Variants in PALS1 observed in about 807,000 individuals in gnomAD.
PALS1 encodes protein PALS1.
Under a neutral mutation model 78.9 loss-of-function variants are expected in PALS1, and 31 were observed. The observed-to-expected ratio is 0.39, with a 90% CI of 0.30 to 0.53. The LOEUF (loss-of-function observed/expected upper bound fraction) is 0.53, where lower values mean the gene tolerates loss of function less well. Ranked by LOEUF, PALS1 falls within the 20% of genes least tolerant of loss-of-function variation. PALS1 has a pLI of 0.67. For synonymous variants in PALS1, 276 were observed against 270.9 expected (o/e 1.02, Z -0.18); for missense variants, 704 against 826.5 (o/e 0.85, Z 1.82).
chr14:67,303,631 T>G, intron 8 of PALS1, 32 bp downstream of exon 8: 1 of 1,465,980 alleles, frequency 6.8e-7, no homozygotes, highest in East Asian at 2.3e-5. Flanking sequence ...ATTATTTATG[T>G]GTTTGTGGAT....
chr14:67,265,084 C>G (rs1003451742), intron 1 of PALS1, among the ~76,000 whole-genome samples: 2 of 151,966 alleles, frequency 1.3e-5, no homozygotes, highest in African/African-American at 4.8e-5. Flanking sequence ...CAAATTTTGT[C>G]TGGTATAGTA....
At chr14:67,250,677 C>T (rs959170365) in intron 1 of PALS1, among the ~76,000 whole-genome samples, 4 of 152,134 alleles carry the variant, frequency 2.6e-5, no homozygotes, top group Non-Finnish European at 4.4e-5. Context: ...GGTGATTCAT[C>T]GACTGTATAA....
intron 8 of PALS1, among the ~76,000 whole-genome samples, chr14:67,310,405 A>G (rs1360191242): frequency 1.3e-5 from 2 of 152,180 alleles, no homozygotes; most frequent in Non-Finnish European, 2.9e-5. Flanking sequence ...TATACAGGGG[A>G]AAATAATCAG....
At chr14:67,267,698 A>C (rs2084350332) in intron 1 of PALS1, among the ~76,000 whole-genome samples, 2 of 152,206 alleles carry the variant, frequency 1.3e-5, no homozygotes, top group Admixed American at 6.5e-5. Context: ...ACTGAAATCT[A>C]ATATTAGGAC....
intron 1 of PALS1, among the ~76,000 whole-genome samples, chr14:67,261,835 G>C (rs2084243370): frequency 6.6e-6 from 1 of 152,020 alleles, no homozygotes. Context: ...TAAACTTGTA[G>C]TCTGTTAGCA....
rs141584063 is a variant in PALS1, at chr14:67,314,904, C to G, written c.1226-1928C>G. Reference sequence around the variant, plus strand: ...CCAGGAGTTTGAGACTAGCCTGGGCCACATAGTGGCATAGCTGACATAATG... The same window carrying G: ...CCAGGAGTTTGAGACTAGCCTGGGCGACATAGTGGCATAGCTGACATAATG... On this transcript the variant is annotated intron_variant, in intron 9 of 14. Coordinates refer to ENST00000261681, the MANE Select transcript of PALS1 (RefSeq NM_022474.4). Among the ~76,000 whole-genome samples, 863 of 151,822 alleles carry G rather than the reference C, an allele frequency of 5.7e-3. 9 individuals are homozygous for G. Among genetic ancestry groups the G allele is most frequent in the African/African-American group, 0.02 (844 of 41,390 alleles).
At chr14:67,302,237 G>T in intron 6 of PALS1, 119 bp downstream of exon 6, 1 of 1,224,748 alleles carries the variant, frequency 8.2e-7, no homozygotes, top group East Asian at 2.7e-5. Flanking sequence ...AAAGTGTGGG[G>T]GAAATGGTCA....
chr14:67,247,859 A>C (rs1295525772), intron 1 of PALS1, among the ~76,000 whole-genome samples: 2 of 152,156 alleles, frequency 1.3e-5, no homozygotes, highest in Non-Finnish European at 2.9e-5. Flanking sequence ...GATTACAGGC[A>C]TGAGTCACAG....
intron 3 of PALS1, among the ~76,000 whole-genome samples, chr14:67,285,109 T>C (rs945984039): frequency 2.0e-5 from 3 of 152,136 alleles, no homozygotes; most frequent in Non-Finnish European, 4.4e-5. Flanking sequence ...TAATATTAAG[T>C]TCCCCATCTG....
chr14:67,330,480 T>C (rs12587679), intron 14 of PALS1, among the ~76,000 whole-genome samples: 21,949 of 145,188 alleles, frequency 0.15, 3,222 homozygotes, highest in East Asian at 0.42. Context: ...TTTTTTGAGA[T>C]GGGGTTTCGC....
chr14:67,327,646 C>A (rs1052663982), intron 14 of PALS1, among the ~76,000 whole-genome samples: 4 of 152,054 alleles, frequency 2.6e-5, no homozygotes, highest in African/African-American at 4.8e-5. Context: ...CCTCTCCCCC[C>A]ACCCCACAAC....
chr14:67,243,864 T>G (rs1258587596), intron 1 of PALS1, among the ~76,000 whole-genome samples: 1 of 152,212 alleles, frequency 6.6e-6, no homozygotes, highest in East Asian at 1.9e-4. Flanking sequence ...TTAGTGGTTA[T>G]ATAGTCTAAC....
At chr14:67,257,594 TAACTA>T in intron 1 of PALS1, among the ~76,000 whole-genome samples, 1 of 151,058 alleles carries the variant, frequency 6.6e-6, no homozygotes, top group Non-Finnish European at 1.5e-5. Flanking sequence ...GCTCAACAGA[TAACTA>T]AAAAAAAAAG....
At chr14:67,314,978 C>T (rs966507751) in intron 9 of PALS1, among the ~76,000 whole-genome samples, 10 of 152,112 alleles carry the variant, frequency 6.6e-5, no homozygotes, top group African/African-American at 2.2e-4. Context: ...CATGGTGGTG[C>T]GTACCTGTAG....
intron 12 of PALS1, 73 bp from the exon 13 acceptor site, chr14:67,320,982 TTC>T (rs1250195391): frequency 1.6e-6 from 2 of 1,236,478 alleles, no homozygotes; most frequent in Admixed American, 1.8e-5. Context: ...TAGAAATTCT[TTC>T]TGACTAGCAG....
chr14:67,321,577 A>T (rs1301685574), intron 13 of PALS1, among the ~76,000 whole-genome samples: 3 of 152,214 alleles, frequency 2.0e-5, no homozygotes, highest in Non-Finnish European at 4.4e-5. Flanking sequence ...TTGAGGATAG[A>T]CCCAAGTCTG....
rs2085527526 is a variant in PALS1 at position 67,336,032 on chromosome 14, C to CTA, written c.*3077_*3078dup. 6.6e-6 allele frequency among the ~76,000 whole-genome samples: 1 copy of CTA among 152,170 alleles called. No homozygotes were observed. The highest frequency in any genetic ancestry group is 2.4e-5 in the African/African-American group (1 of 41,418). Reference sequence around the variant, plus strand: ...TTTCCTTAATTATTAAAACCAACAACTAAGTGTATTAAAGATGGACAACGC... The same window carrying CTA: ...TTTCCTTAATTATTAAAACCAACAACTATAAGTGTATTAAAGATGGACAACGC... On this transcript the variant is annotated 3_prime_UTR_variant, in exon 15 of 15. Transcript: ENST00000261681.
intron 1 of PALS1, among the ~76,000 whole-genome samples, chr14:67,245,542 G>C (rs895369032): frequency 1.3e-5 from 2 of 151,534 alleles, no homozygotes; most frequent in Non-Finnish European, 2.9e-5. Context: ...TTAGGGATGG[G>C]GTCTCACTAT....
chr14:67,288,233 C>T (rs1056051364), intron 3 of PALS1, among the ~76,000 whole-genome samples: 1 of 152,184 alleles, frequency 6.6e-6, no homozygotes, highest in African/African-American at 2.4e-5. Flanking sequence ...ACATGTGCCA[C>T]CACACCCAGC....
Sources: allele counts gnomAD v4.1 joint callset (sites outside exome capture counted in the v4.1 genomes callset), GRCh38; gene constraint gnomAD v4.1.1; transcripts MANE v1.5; gene names NCBI Gene and HGNC (gene_info 2026-07-23, HGNC 2026-07-21).